GRM7: variants seen among roughly 807,000 people sequenced by gnomAD.
GRM7 encodes glutamate metabotropic receptor 7, also known as metabotropic glutamate receptor 7.
GRM7 carries 35 observed loss-of-function variants against 84.5 expected under a neutral mutation model. The observed-to-expected ratio is 0.41, with a 90% CI of 0.32 to 0.55. The LOEUF (loss-of-function observed/expected upper bound fraction) is 0.55, where lower values mean the gene tolerates loss of function less well. GRM7 is among the 20% of genes least tolerant of loss of function. The pLI, the probability that GRM7 is intolerant of heterozygous loss-of-function variation, is 0.19. For synonymous variants in GRM7, 487 were observed against 455.1 expected (o/e 1.07, Z -0.89); for missense variants, 1,003 against 1,194.6 (o/e 0.84, Z 2.36).
At chr3:7,435,924 C>A (rs9754616) in intron 5 of GRM7, among the ~76,000 whole-genome samples, 3 of 145,272 alleles carry the variant, frequency 2.1e-5, no homozygotes, top group East Asian at 2.1e-4. Context: ...GGATGGTCTC[C>A]ATCTCCTGAC....
At chr3:7,164,767 C>G (rs1694745963) in intron 2 of GRM7, among the ~76,000 whole-genome samples, 1 of 152,204 alleles carries the variant, frequency 6.6e-6, no homozygotes, top group Non-Finnish European at 1.5e-5. Flanking sequence ...AAGTTGGCCA[C>G]TTCCTGCTGA....
At chr3:6,972,614 A>T (rs1474505900) in intron 1 of GRM7, among the ~76,000 whole-genome samples, 1 of 152,198 alleles carries the variant, frequency 6.6e-6, no homozygotes, top group Non-Finnish European at 1.5e-5. Flanking sequence ...TTGTGAAAGG[A>T]AAAGAGAGGA....
intron 9 of GRM7, among the ~76,000 whole-genome samples, chr3:7,713,124 G>GTTTTTTTTTTTTT (rs5846535): frequency 2.1e-5 from 2 of 97,118 alleles, no homozygotes; most frequent in African/African-American, 7.5e-5. Context: ...ATTTTGTTTT[G>GTTTTTTTTTTTTT]TTTTTTTTTT....
intron 2 of GRM7, among the ~76,000 whole-genome samples, chr3:7,168,123 A>G (rs908290109): frequency 2.0e-5 from 3 of 152,038 alleles, no homozygotes; most frequent in African/African-American, 4.8e-5. Context: ...CAGTCAACCC[A>G]AGAGCTTCCT....
At chr3:7,051,708 A>G (rs1363256412) in intron 1 of GRM7, among the ~76,000 whole-genome samples, 2 of 151,784 alleles carry the variant, frequency 1.3e-5, no homozygotes, top group Admixed American at 6.6e-5. Flanking sequence ...AGAGATCTAA[A>G]TGAAGTCAGC....
chr3:6,898,418 A>AT (rs1491047355), intron 1 of GRM7, among the ~76,000 whole-genome samples: 2 of 147,046 alleles, frequency 1.4e-5, no homozygotes, highest in Non-Finnish European at 3.0e-5. Context: ...AAAAAAAAAA[A>AT]AGGCAGGGCA....
chr3:7,689,481 T>A (rs1397476701), intron 9 of GRM7, among the ~76,000 whole-genome samples: 1 of 152,186 alleles, frequency 6.6e-6, no homozygotes, highest in Non-Finnish European at 1.5e-5. Flanking sequence ...TGGGAATAAA[T>A]GCAGCTATAA....
chr3:7,061,158 A>C (rs1697422730), intron 1 of GRM7, among the ~76,000 whole-genome samples: 1 of 151,766 alleles, frequency 6.6e-6, no homozygotes, highest in South Asian at 2.1e-4. Context: ...ATATAAGATA[A>C]ATCTCCATAA....
intron 2 of GRM7, among the ~76,000 whole-genome samples, chr3:7,291,960 T>TA (rs1247138107): frequency 6.6e-6 from 1 of 152,192 alleles, no homozygotes; most frequent in Non-Finnish European, 1.5e-5. Context: ...TGATGGTTTT[T>TA]AAAGGGAAAC....
intron 1 of GRM7, among the ~76,000 whole-genome samples, chr3:6,868,438 A>G (rs17046224): frequency 0.077 from 11,779 of 152,278 alleles, 551 homozygotes; most frequent in East Asian, 0.18. Flanking sequence ...TTGTAGGCCC[A>G]TAGAAACTTG....
chr3:7,444,345 G>A (rs1448651016), intron 5 of GRM7, among the ~76,000 whole-genome samples: 1 of 152,182 alleles, frequency 6.6e-6, no homozygotes, highest in African/African-American at 2.4e-5. Flanking sequence ...TAGAAGAGGA[G>A]CAATCAAAAT....
intron 5 of GRM7, among the ~76,000 whole-genome samples, chr3:7,451,080 C>T (rs1263024851): frequency 2.0e-5 from 3 of 152,152 alleles, no homozygotes; most frequent in Non-Finnish European, 2.9e-5. Flanking sequence ...TTCTTCACTA[C>T]ACAAATGTGC....
At chr3:7,111,797 C>T (rs1198796208) in intron 1 of GRM7, among the ~76,000 whole-genome samples, 2 of 152,094 alleles carry the variant, frequency 1.3e-5, no homozygotes, top group Non-Finnish European at 2.9e-5. Flanking sequence ...AAAATCATTT[C>T]TATGTAAACT....
At chr3:7,457,800 A>G (rs1411270748) in intron 6 of GRM7, among the ~76,000 whole-genome samples, 1 of 152,196 alleles carries the variant, frequency 6.6e-6, no homozygotes, top group Non-Finnish European at 1.5e-5. Flanking sequence ...GATGGGCCAC[A>G]TGTAGCCACA....
At chr3:6,975,547 A>G (rs1191593158) in intron 1 of GRM7, among the ~76,000 whole-genome samples, 1 of 152,226 alleles carries the variant, frequency 6.6e-6, no homozygotes, top group Non-Finnish European at 1.5e-5. Context: ...AACGTTTTAT[A>G]TCATGACCCA....
At chr3:7,359,868 T>G (rs898736340) in intron 4 of GRM7, among the ~76,000 whole-genome samples, 2 of 148,384 alleles carry the variant, frequency 1.3e-5, no homozygotes, top group Admixed American at 1.3e-4. Context: ...TATCGGTCAT[T>G]TCATTTTAGG....
In GRM7 at chr3:7,259,953, G is replaced by GTTTTTTTTTTTGTTTT. The variant is rs1553638862; in HGVS notation, c.737-38720_737-38719insGTTTTTTTTTTTTTTT. On this transcript the variant is annotated intron_variant, in intron 2 of 9. Transcript: ENST00000357716. ...TTTCTCTGCAACCTTACCAGCATCT[G>GTTTTTTTTTTTGTTTT]TTTTTTTTTTTTGACGTTTTAATAA... Among the ~76,000 whole-genome samples the GTTTTTTTTTTTGTTTT allele has an allele frequency of 7.1e-4, 64 of 89,662 alleles. 4 individuals are homozygous for GTTTTTTTTTTTGTTTT. Among genetic ancestry groups the GTTTTTTTTTTTGTTTT allele is most frequent in the African/African-American group, 3.7e-3 (63 of 17,072 alleles). The allele number at this position is 89,662 out of a possible 152,430, so 58.8% of individuals were successfully genotyped here.
chr3:6,894,118 G>C (rs981153403), intron 1 of GRM7: 8 of 152,226 alleles, frequency 5.3e-5, no homozygotes, highest in Admixed American at 3.9e-4. Context: ...TCTATGTACA[G>C]ATGAAACCTC....
intron 8 of GRM7, among the ~76,000 whole-genome samples, chr3:7,645,319 C>T (rs374877056): frequency 5.1e-4 from 78 of 151,982 alleles, no homozygotes; most frequent in Middle Eastern, 3.4e-3. Flanking sequence ...GAGGCCAAGG[C>T]GGGCAGACCA....
Sources: allele counts gnomAD v4.1 joint callset (sites outside exome capture counted in the v4.1 genomes callset), GRCh38; gene constraint gnomAD v4.1.1; transcripts MANE v1.5; gene names NCBI Gene and HGNC (gene_info 2026-07-23, HGNC 2026-07-21).